Variants in KCNIP2 observed in about 807,000 individuals in gnomAD.
The protein encoded by KCNIP2 is potassium voltage-gated channel interacting protein 2.
Under a neutral mutation model 39.0 loss-of-function variants are expected in KCNIP2, and 19 were observed. That is an observed-to-expected ratio of 0.49 (90% confidence interval 0.34 to 0.71). KCNIP2 has a LOEUF of 0.71. Among genes scored for constraint, KCNIP2 ranks in the 30% least tolerant of loss-of-function variants. KCNIP2 has a pLI of 0.01. For missense variants in KCNIP2, 261 were observed against 346.0 expected, an observed-to-expected ratio of 0.75 and a Z score of 1.95; for synonymous variants, 111 against 131.2, an observed-to-expected ratio of 0.85 and a Z score of 1.05.
chr10:101,839,797 G>C (rs777049787), intron 1 of KCNIP2: 3 of 1,610,970 alleles, frequency 1.9e-6, no homozygotes, highest in Non-Finnish European at 1.7e-6. Flanking sequence ...GGATCGCGCT[G>C]CCTGCCCCAG....
At chr10:101,829,654 C>G in intron 3 of KCNIP2, 190 bp downstream of exon 3, 1 of 312,268 alleles carries the variant, frequency 3.2e-6, no homozygotes, top group Non-Finnish European at 5.9e-6. Context: ...TCGCCCCGCC[C>G]AGCCCCATCT....
At chr10:101,829,386 T>C in intron 3 of KCNIP2, 187 bp from the exon 4 acceptor site, 1 of 720,026 alleles carries the variant, frequency 1.4e-6, no homozygotes, top group Non-Finnish European at 2.1e-6. Flanking sequence ...ATCTTCGAGG[T>C]CTATCAGCGG....
At position 101,828,283 on chromosome 10, in the gene KCNIP2, G is replaced by C. The variant is rs759758858; in HGVS notation, c.490-25C>G. The C allele has an allele frequency of 3.1e-6, 5 of 1,611,298 alleles. No individual in the cohort carries two copies. The highest frequency in any genetic ancestry group is 4.5e-5 in the East Asian group (2 of 44,872). On this transcript the variant is annotated intron_variant, in intron 6 of 9. Transcript: ENST00000356640. The surrounding 1 kb of genome is among the most constrained non-coding windows in gnomAD (Gnocchi z 6.6). ...CCTGGGAAGGAGGCAGGAGGGAGCT[G>C]TGTCCTCGGGTACTCTTCACCCAAC...
At chr10:101,829,344 G>A in intron 3 of KCNIP2, 145 bp from the exon 4 acceptor site, 2 of 1,038,876 alleles carry the variant, frequency 1.9e-6, no homozygotes. Context: ...CCCGAGCCAA[G>A]GACACTGAGG....
At chr10:101,829,797 G>T in intron 3 of KCNIP2, 47 bp downstream of exon 3, 1 of 1,084,272 alleles carries the variant, frequency 9.2e-7, no homozygotes, top group African/African-American at 2.0e-5. Context: ...CCCCAAGATG[G>T]CAAAGCCGCC....
chr10:101,831,285 A>G lies in KCNIP2; in HGVS notation c.74-118T>C. The G allele has an allele frequency of 8.0e-6, 6 of 752,958 alleles. No homozygotes were observed. The South Asian group carries it at 8.9e-5, about 11-fold the overall frequency. The allele number at this position is 752,958 out of a possible 1,614,324, so 46.6% of individuals were successfully genotyped here. A position where few individuals can be genotyped will look rare whatever the true frequency, so the allele number is the denominator to read the frequency against. On this transcript the variant is annotated intron_variant, in intron 1 of 9. Transcript: ENST00000356640. The stretch of plus-strand genomic sequence containing the variant: ...TGGGGACCGGGCTGGGGGAGGAATT[A>G]AGGGGAGGAAAGGAATGGCAAGGGT...
At position 101,828,597 on chromosome 10, in the gene KCNIP2, A is replaced by C; in HGVS notation, c.418+30T>G. 1 of 1,609,988 alleles carries C rather than the reference A, an allele frequency of 6.2e-7. No individual in the cohort carries two copies. Among genetic ancestry groups the C allele is most frequent in the Non-Finnish European group, 8.5e-7 (1 of 1,176,454 alleles). On this transcript the variant is annotated intron_variant, in intron 5 of 9. Transcript: ENST00000356640. This position sits in a 1 kb window ranked among gnomAD's most constrained non-coding sequence, Gnocchi z 6.6. Reference sequence around the variant, plus strand: ...CCCTCCCTCAGCCTAGAGAAGGACAACTGCTTCCCCTTGGGCCTTGTCCCC... The same window carrying C: ...CCCTCCCTCAGCCTAGAGAAGGACACCTGCTTCCCCTTGGGCCTTGTCCCC...
chr10:101,829,036 G>C (rs775200761), intron 4 of KCNIP2, 39 bp downstream of exon 4: 1 of 1,601,770 alleles, frequency 6.2e-7, no homozygotes, highest in South Asian at 1.1e-5. Context: ...GGGTCCTCCT[G>C]TCCCACCCTC....
At position 101,828,530 on chromosome 10, in the gene KCNIP2, A is replaced by T; in HGVS notation, c.419-71T>A. ...TTCCTCCCTCTAAGGAGCTCCCCATACCCCCCATCACCTTGGCATTCCCAG... is the reference window on the plus strand; with the variant it reads ...TTCCTCCCTCTAAGGAGCTCCCCATTCCCCCCATCACCTTGGCATTCCCAG... On this transcript the variant is annotated intron_variant, in intron 5 of 9. Coordinates refer to ENST00000356640, the MANE Select transcript of KCNIP2 (RefSeq NM_173191.3). This position sits in a 1 kb window ranked among gnomAD's most constrained non-coding sequence, Gnocchi z 6.6. 1 of 1,591,276 alleles carries T rather than the reference A, an allele frequency of 6.3e-7. No individual in the cohort carries two copies.
chr10:101,834,230 A>T, intron 1 of KCNIP2: 1 of 398,996 alleles, frequency 2.5e-6, no homozygotes, highest in Non-Finnish European at 4.4e-6. Context: ...CTGCCCCACC[A>T]GCCAGCAGCT....
intron 2 of KCNIP2, 115 bp downstream of exon 2, chr10:101,830,957 G>T: frequency 1.0e-6 from 1 of 952,394 alleles, no homozygotes; most frequent in Non-Finnish European, 1.6e-6. Context: ...CCCCACACAT[G>T]CAGGCCTGGA....
intron 1 of KCNIP2, among the ~76,000 whole-genome samples, chr10:101,836,005 C>T (rs148906054): frequency 2.3e-3 from 343 of 152,334 alleles, no homozygotes; most frequent in Non-Finnish European, 4.0e-3. Context: ...GAAAGCTGGC[C>T]CAGCCAGGAG....
At chr10:101,829,511 G>A (rs978069687) in intron 3 of KCNIP2, 139 of 475,794 alleles carry the variant, frequency 2.9e-4, no homozygotes, top group Non-Finnish European at 4.9e-4. Context: ...TAGAAAGGGA[G>A]GAGTGGGAAA....
rs776347807 is a variant in KCNIP2, at chr10:101,827,705, A to G, written c.749T>C (p.Ile250Thr). Residue 250 changes from isoleucine (I) to threonine (T), a missense_variant, in exon 9 of 10, where the codon ATT becomes ACT. Ile to Thr is a moderately conservative substitution (Grantham distance 89, BLOSUM62 -1). Transcript: ENST00000356640. ...KDGVVTIEEF[I>T]ESCQKDENIM... The stretch of plus-strand genomic sequence containing the variant: ...GAGCTGTACCTTTTGACAAGACTCA[A>G]TGAATTCCTCAATGGTCACCACACC... 9 of 1,614,144 alleles carry G rather than the reference A, an allele frequency of 5.6e-6. No homozygotes were observed. Among genetic ancestry groups the G allele is most frequent in the African/African-American group, 1.3e-5 (1 of 75,056 alleles).
At chr10:101,832,945 C>T (rs1259642078) in intron 1 of KCNIP2, among the ~76,000 whole-genome samples, 1 of 152,194 alleles carries the variant, frequency 6.6e-6, no homozygotes, top group African/African-American at 2.4e-5. Context: ...TGAGAACAAG[C>T]TCAGCCCAGC....
chr10:101,839,832 T>C (rs1250304402), intron 1 of KCNIP2: 5 of 1,608,730 alleles, frequency 3.1e-6, no homozygotes, highest in East Asian at 4.5e-5. Context: ...TGCGGGGGCA[T>C]CGGTTCATGG....
At chr10:101,830,840 CA>C (rs1186317483) in intron 2 of KCNIP2, among the ~76,000 whole-genome samples, 215 of 151,208 alleles carry the variant, frequency 1.4e-3, no homozygotes, top group African/African-American at 5.0e-3. Flanking sequence ...CGCCCCCCCA[CA>C]CACACACGCC....
At position 101,843,410 on chromosome 10, in the gene KCNIP2, C is replaced by A. The variant is rs1053802847; in HGVS notation, c.73+86G>T. ...CTGGGAATGGGGCAGAGTGTGGGTGCGGGCCAGGCCGGGGTCGGAGAGGCG... is the reference window on the plus strand; with the variant it reads ...CTGGGAATGGGGCAGAGTGTGGGTGAGGGCCAGGCCGGGGTCGGAGAGGCG... On this transcript the variant is annotated intron_variant, in intron 1 of 9. Coordinates refer to ENST00000356640, the MANE Select transcript of KCNIP2 (RefSeq NM_173191.3). This position sits in a 1 kb window ranked among gnomAD's most constrained non-coding sequence, Gnocchi z 6.7. The A allele has an allele frequency of 1.6e-5, 14 of 849,940 alleles. No homozygotes were observed. The highest frequency in any genetic ancestry group is 2.3e-5 in the Non-Finnish European group (14 of 596,804). 52.6% of individuals were successfully genotyped at this position (849,940 alleles called of 1,614,324 possible). A position where few individuals can be genotyped will look rare whatever the true frequency, so the allele number is the denominator to read the frequency against.
chr10:101,839,982 C>T, intron 1 of KCNIP2: 2 of 638,654 alleles, frequency 3.1e-6, no homozygotes, highest in South Asian at 4.3e-5. Flanking sequence ...GGAGCCTTCC[C>T]ATGTTCTCCT....
Sources: gnomAD v4.1 joint callset for allele counts (sites outside exome capture counted in the v4.1 genomes callset) on GRCh38, gnomAD v4.1.1 for gene constraint, Gnocchi (gnomAD v3.1) non-coding constraint, MANE v1.5 for transcripts, NCBI Gene and HGNC (gene_info 2026-07-23, HGNC 2026-07-21) for gene names.